Variants in CTNNA3 observed in about 807,000 individuals in gnomAD.
CTNNA3 encodes catenin alpha 3, also known as catenin alpha-3.
CTNNA3 carries 76 observed loss-of-function variants against 95.7 expected under a neutral mutation model. The ratio of observed to expected loss-of-function variants is 0.79; its 90% CI spans 0.66 to 0.96. CTNNA3 has a LOEUF of 0.96. CTNNA3 is among the 40% of genes least tolerant of loss of function. The pLI is 0.00. For synonymous variants in CTNNA3, 431 were observed against 374.4 expected (o/e 1.15, Z -1.74); for missense variants, 1,191 against 1,089.8 (o/e 1.09, Z -1.31).
rs1192599003 is a variant in CTNNA3 at position 67,117,621 on chromosome 10, T to A, written c.1047+62696A>T. Among the ~76,000 whole-genome samples the A allele has an allele frequency of 6.6e-5, 10 of 152,184 alleles. No individual in the cohort carries two copies. In the East Asian group the frequency reaches 9.6e-4, roughly 15 times the overall value. On this transcript the variant is annotated intron_variant, in intron 7 of 17. Coordinates refer to ENST00000433211, the MANE Select transcript of CTNNA3 (RefSeq NM_013266.4). The stretch of plus-strand genomic sequence containing the variant: ...GTATAAATATTGTTTGAAATTTTTT[T>A]AAAAAATGAACATTCAAGTATTTCA...
intron 13 of CTNNA3, among the ~76,000 whole-genome samples, chr10:66,252,101 AAAG>A: frequency 6.6e-6 from 1 of 152,318 alleles, no homozygotes; most frequent in South Asian, 2.1e-4. Context: ...GCAACTTTGA[AAAG>A]AAGGCAGTGT....
In CTNNA3 at chr10:67,606,998, G is replaced by A. The variant is rs749212121; in HGVS notation, c.151C>T (p.Arg51Cys). The A allele has an allele frequency of 6.2e-6, 10 of 1,613,874 alleles. No homozygotes were observed. The highest frequency in any genetic ancestry group is 2.7e-5 in the African/African-American group (2 of 74,886). ...AGAAGGACACTGGCTCTTTTCGAACGTCCTTTTTTCCTGCTGGAAGGGTTC... is the reference window on the plus strand; with the variant it reads ...AGAAGGACACTGGCTCTTTTCGAACATCCTTTTTTCCTGCTGGAAGGGTTC... The part of the protein sequence containing the change: ...PQNPSSRKKG[R>C]SKRASVLLAS... The change falls in exon 3 of 18, where the codon CGT becomes TGT. Residue 51 changes from arginine (R) to cysteine (C), a missense_variant. By Grantham distance (180) the Arg-to-Cys change is radical. Transcript: ENST00000433211.
intron 7 of CTNNA3, among the ~76,000 whole-genome samples, chr10:67,057,636 G>A (rs962489332): frequency 3.3e-5 from 5 of 152,000 alleles, no homozygotes; most frequent in Non-Finnish European, 5.9e-5. Flanking sequence ...CCAGCAACAC[G>A]AGGTTGGTTT....
At chr10:67,061,271 T>C (rs1011934933) in intron 7 of CTNNA3, among the ~76,000 whole-genome samples, 1 of 152,176 alleles carries the variant, frequency 6.6e-6, no homozygotes, top group Admixed American at 6.6e-5. Flanking sequence ...TATTAGCTTA[T>C]TGTCCTTCCT....
intron 9 of CTNNA3, among the ~76,000 whole-genome samples, chr10:66,661,755 T>C (rs1339980536): frequency 1.3e-5 from 2 of 152,168 alleles, no homozygotes; most frequent in Non-Finnish European, 2.9e-5. Flanking sequence ...ATGCAGGCTT[T>C]ATCACCGAAG....
intron 5 of CTNNA3, among the ~76,000 whole-genome samples, chr10:67,507,434 A>G (rs1156993906): frequency 1.3e-5 from 2 of 152,138 alleles, no homozygotes; most frequent in South Asian, 2.1e-4. Flanking sequence ...AGGCTGAGGC[A>G]GGAGAATTGC....
intron 7 of CTNNA3, among the ~76,000 whole-genome samples, chr10:67,074,739 TTCTG>T (rs1196086914): frequency 1.3e-5 from 2 of 152,038 alleles, no homozygotes; most frequent in Non-Finnish European, 2.9e-5. Flanking sequence ...TCTGTGTAGA[TTCTG>T]TCTTATGCCA....
intron 13 of CTNNA3, among the ~76,000 whole-genome samples, chr10:66,268,606 G>T (rs1434208506): frequency 1.3e-5 from 2 of 152,276 alleles, no homozygotes; most frequent in South Asian, 2.1e-4. Flanking sequence ...CATTATGTGT[G>T]GAGTAATTTG....
intron 7 of CTNNA3, among the ~76,000 whole-genome samples, chr10:66,792,292 T>C (rs1841002565): frequency 6.6e-6 from 1 of 152,232 alleles, no homozygotes; most frequent in African/African-American, 2.4e-5. Context: ...ATTCCTCGTA[T>C]TTCATTATTT....
chr10:66,047,821 A>G (rs879581399), intron 15 of CTNNA3, among the ~76,000 whole-genome samples: 2 of 152,192 alleles, frequency 1.3e-5, no homozygotes, highest in Admixed American at 1.3e-4. Flanking sequence ...TAGCATTCCT[A>G]TACACCCACA....
At chr10:66,505,130 AT>A (rs1216587684) in intron 11 of CTNNA3, among the ~76,000 whole-genome samples, 1 of 152,182 alleles carries the variant, frequency 6.6e-6, no homozygotes, top group African/African-American at 2.4e-5. Context: ...CTAAGTCATA[AT>A]ACTCAAAGAA....
chr10:66,015,643 T>C (rs954053465), intron 15 of CTNNA3, among the ~76,000 whole-genome samples: 3 of 152,136 alleles, frequency 2.0e-5, no homozygotes, highest in African/African-American at 7.2e-5. Flanking sequence ...GTGACTGAGA[T>C]TGCTGGGTTG....
At chr10:66,920,939 T>G (rs552294441) in intron 7 of CTNNA3, among the ~76,000 whole-genome samples, 1 of 152,208 alleles carries the variant, frequency 6.6e-6, no homozygotes, top group Non-Finnish European at 1.5e-5. Flanking sequence ...CCAAACACCA[T>G]CATCTATCTC....
At chr10:66,769,157 ATATTGATT>A (rs1839982986) in intron 8 of CTNNA3, among the ~76,000 whole-genome samples, 1 of 152,232 alleles carries the variant, frequency 6.6e-6, no homozygotes. Context: ...CTGGAAATAC[ATATTGATT>A]TATTGCCAAA....
chr10:67,192,955 T>C (rs1863185920), intron 6 of CTNNA3, among the ~76,000 whole-genome samples: 1 of 151,944 alleles, frequency 6.6e-6, no homozygotes, highest in Non-Finnish European at 1.5e-5. Context: ...AATCTTGCCA[T>C]TTGTGGATGA....
chr10:66,693,644 T>C (rs1466914610), intron 9 of CTNNA3, among the ~76,000 whole-genome samples: 1 of 151,978 alleles, frequency 6.6e-6, no homozygotes, highest in Non-Finnish European at 1.5e-5. Flanking sequence ...TCACCCCAAA[T>C]CAACAGAATA....
intron 5 of CTNNA3, among the ~76,000 whole-genome samples, chr10:67,512,875 C>T (rs896742376): frequency 6.6e-6 from 1 of 152,042 alleles, no homozygotes; most frequent in Non-Finnish European, 1.5e-5. Flanking sequence ...GTCCCAGCTA[C>T]TCGGGAAGCG....
intron 5 of CTNNA3, among the ~76,000 whole-genome samples, chr10:67,483,345 TAG>T (rs1564682345): frequency 7.0e-6 from 1 of 142,618 alleles, no homozygotes; most frequent in Non-Finnish European, 1.5e-5. Context: ...CTCTTCACAA[TAG>T]CAAAGACTTG....
chr10:66,197,247 A>G (rs1444912400), intron 13 of CTNNA3, among the ~76,000 whole-genome samples: 1 of 152,162 alleles, frequency 6.6e-6, no homozygotes, highest in African/African-American at 2.4e-5. Flanking sequence ...CTAAAAAGAG[A>G]TCTGTTTATG....
Sources: gnomAD v4.1 joint callset for allele counts (sites outside exome capture counted in the v4.1 genomes callset) on GRCh38, gnomAD v4.1.1 for gene constraint, MANE v1.5 for transcripts, NCBI Gene and HGNC (gene_info 2026-07-23, HGNC 2026-07-21) for gene names.